Variants in PTPN13 observed in about 807,000 individuals in gnomAD.
The protein encoded by PTPN13 is protein tyrosine phosphatase non-receptor type 13.
PTPN13 carries 191 observed loss-of-function variants against 284.0 expected under a neutral mutation model. The observed-to-expected ratio is 0.67, with a 90% CI of 0.60 to 0.76. PTPN13 has a LOEUF of 0.76. PTPN13 is among the 30% of genes least tolerant of loss of function. The pLI is 0.00. For missense variants in PTPN13, 2,797 were observed against 2,939.9 expected (o/e 0.95, Z 1.12); for synonymous variants, 986 against 1,022.3 (o/e 0.96, Z 0.68).
intron 19 of PTPN13, among the ~76,000 whole-genome samples, chr4:86,751,898 A>T (rs1293748020): frequency 6.6e-6 from 1 of 151,764 alleles, no homozygotes. Context: ...ATAGCAGGGC[A>T]TATTATTTAA....
At chr4:86,598,682 A>G (rs894448253) in intron 1 of PTPN13, among the ~76,000 whole-genome samples, 3 of 152,154 alleles carry the variant, frequency 2.0e-5, no homozygotes, top group Non-Finnish European at 4.4e-5. Context: ...TGTGCTTAAT[A>G]AACAGTTTCT....
intron 8 of PTPN13, among the ~76,000 whole-genome samples, 155 bp downstream of exon 8, chr4:86,716,780 T>C (rs777408864): frequency 6.6e-6 from 1 of 152,244 alleles, no homozygotes; most frequent in African/African-American, 2.4e-5. Flanking sequence ...GTAGTAGTAT[T>C]ATAGAAACTA....
At chr4:86,788,486 T>C (rs1293151784) in intron 40 of PTPN13, among the ~76,000 whole-genome samples, 5 of 152,304 alleles carry the variant, frequency 3.3e-5, no homozygotes, top group South Asian at 2.1e-4. Flanking sequence ...ATGCTAACCA[T>C]TGGTATTACA....
At chr4:86,675,612 C>T (rs533854709) in intron 3 of PTPN13, among the ~76,000 whole-genome samples, 5 of 152,210 alleles carry the variant, frequency 3.3e-5, no homozygotes, top group East Asian at 3.9e-4. Flanking sequence ...ATAAACTGTA[C>T]ATGTTTGTAT....
chr4:86,699,258 C>T (rs775465539), intron 6 of PTPN13, among the ~76,000 whole-genome samples: 18 of 151,886 alleles, frequency 1.2e-4, no homozygotes, highest in Non-Finnish European at 2.5e-4. Flanking sequence ...TGGTGGTGGG[C>T]GCCTGTGGTC....
intron 1 of PTPN13, among the ~76,000 whole-genome samples, chr4:86,602,574 G>A (rs1269610324): frequency 6.6e-6 from 1 of 151,996 alleles, no homozygotes; most frequent in African/African-American, 2.4e-5. Context: ...TGGGCCACAT[G>A]TTCCTTCCAG....
At chr4:86,782,347 A>T (rs527556778) in intron 37 of PTPN13, 85 bp downstream of exon 37, 13 of 1,217,734 alleles carry the variant, frequency 1.1e-5, no homozygotes, top group Admixed American at 1.7e-5. Flanking sequence ...CTGATTTCAT[A>T]TTTAAATATT....
intron 7 of PTPN13, among the ~76,000 whole-genome samples, chr4:86,703,877 G>A (rs923224915): frequency 3.3e-5 from 5 of 151,842 alleles, no homozygotes; most frequent in Non-Finnish European, 5.9e-5. Context: ...TCTAATGATA[G>A]TAATAATAAA....
intron 31 of PTPN13, 74 bp downstream of exon 31, chr4:86,771,609 T>C (rs1050909433): frequency 7.2e-7 from 1 of 1,392,924 alleles, no homozygotes; most frequent in Non-Finnish European, 9.6e-7. Flanking sequence ...CATGCATTTC[T>C]CTTAAGAATG....
At chr4:86,714,898 G>A (rs10516778) in intron 7 of PTPN13, among the ~76,000 whole-genome samples, 22,564 of 152,118 alleles carry the variant, frequency 0.15, 2,097 homozygotes, top group East Asian at 0.29. Flanking sequence ...AGTAGTGTAA[G>A]AGTTGCAATT....
intron 40 of PTPN13, among the ~76,000 whole-genome samples, chr4:86,793,602 A>T (rs1303326422): frequency 6.6e-6 from 1 of 152,210 alleles, no homozygotes; most frequent in Non-Finnish European, 1.5e-5. Context: ...ACATAATTGG[A>T]AGTAAAACAC....
intron 1 of PTPN13, among the ~76,000 whole-genome samples, chr4:86,600,310 A>G (rs1032747818): frequency 1.3e-5 from 2 of 152,160 alleles, no homozygotes; most frequent in East Asian, 3.9e-4. Flanking sequence ...ACACCTAGAA[A>G]AGATGTTTCC....
At chr4:86,679,164 G>T (rs1241118822) in intron 3 of PTPN13, among the ~76,000 whole-genome samples, 1 of 152,044 alleles carries the variant, frequency 6.6e-6, no homozygotes, top group Non-Finnish European at 1.5e-5. Flanking sequence ...CTCAACCTTT[G>T]TGCATTCTCT....
intron 10 of PTPN13, among the ~76,000 whole-genome samples, chr4:86,731,099 A>G (rs1447948482): frequency 1.3e-5 from 2 of 152,212 alleles, no homozygotes; most frequent in Non-Finnish European, 2.9e-5. Context: ...ACACCAAGCA[A>G]TCAGTGAGCT....
Position 86,784,546 on chromosome 4 carries a change from A to T in PTPN13, c.6106A>T (p.Thr2036Ser). Reference protein sequence around the residue: ...TYQIKGSPNLTLPKESYIQED... With the variant: ...TYQIKGSPNLSLPKESYIQED... ...TCAGATAAAGGGATCACCAAACTTG[A>T]CTCTGCCCAAAGGTAGTTTTCCAAA... The change falls in exon 38 of 48, where the codon ACT becomes TCT. Residue 2036 changes from threonine to serine, a missense_variant. By Grantham distance (58) the Thr-to-Ser change is moderately conservative. Transcript: ENST00000411767. The T allele has an allele frequency of 6.2e-7, 1 of 1,605,018 alleles. No individual in the cohort carries two copies. Among genetic ancestry groups the T allele is most frequent in the Admixed American group, 1.7e-5 (1 of 57,920 alleles).
At chr4:86,739,217 C>CA (rs1476354200) in intron 15 of PTPN13, among the ~76,000 whole-genome samples, 2 of 152,134 alleles carry the variant, frequency 1.3e-5, no homozygotes, top group African/African-American at 4.8e-5. Flanking sequence ...TGTGGATATA[C>CA]AGTTGTCCCA....
Position 86,769,846 on chromosome 4 carries a change from C to A in PTPN13, c.4567C>A (p.Pro1523Thr). Residue 1523 changes from proline to threonine, a missense_variant, in exon 29 of 48, where the codon CCG (proline) becomes ACG (threonine). Pro to Thr is a conservative substitution (Grantham distance 38, BLOSUM62 -1). Transcript: ENST00000411767. Reference protein sequence around the residue: ...FSFSREDNLIPEQINASIVRV... With the variant: ...FSFSREDNLITEQINASIVRV... ...TTTTTCTCGAGAAGATAATCTTATA[C>A]CGGAGCAAATTAATGCCAGCATAGT... 1 of 1,613,642 alleles carries A rather than the reference C, an allele frequency of 6.2e-7. No individual in the cohort carries two copies. Among genetic ancestry groups the A allele is most frequent in the Middle Eastern group, 1.6e-4 (1 of 6,062 alleles).
At position 86,727,071 on chromosome 4, in the gene PTPN13, CAT is replaced by C. The variant is rs1734354072; in HGVS notation, c.1608+4638_1608+4639del. 6.0e-5 allele frequency among the ~76,000 whole-genome samples: 9 copies of C among 149,612 alleles called. No individual in the cohort carries two copies. In the South Asian group the frequency reaches 1.7e-3, roughly 28 times the overall value. Reference sequence around the variant, plus strand: ...CCTTTTCTGCATCTATTGAGATAATCATGTGGTTTTTGTAGTTGTTTCTGTTT... The same window carrying C: ...CCTTTTCTGCATCTATTGAGATAATCGTGGTTTTTGTAGTTGTTTCTGTTT... On this transcript the variant is annotated intron_variant, in intron 10 of 47. Coordinates refer to ENST00000411767, the MANE Select transcript of PTPN13 (RefSeq NM_080683.3).
intron 17 of PTPN13, among the ~76,000 whole-genome samples, 175 bp from the exon 18 acceptor site, chr4:86,750,295 A>G (rs1737236801): frequency 6.6e-6 from 1 of 152,192 alleles, no homozygotes; most frequent in African/African-American, 2.4e-5. Context: ...ATGTTATGAA[A>G]ACCAGATCTT....
Sources: gnomAD v4.1 joint callset for allele counts (sites outside exome capture counted in the v4.1 genomes callset) on GRCh38, gnomAD v4.1.1 for gene constraint, MANE v1.5 for transcripts, NCBI Gene and HGNC (gene_info 2026-07-23, HGNC 2026-07-21) for gene names.